Variants in CHLSN observed in about 807,000 individuals in gnomAD.
CHLSN encodes the protein cholesin, also known as protein cholesin.
At chr7:1,019,717 A>T in the CHLSN span, among the ~76,000 whole-genome samples, 1 of 152,230 alleles carries the variant, frequency 6.6e-6, no homozygotes, top group Non-Finnish European at 1.5e-5. Context: ...CAGGGCTTCC[A>T]GATGGGCAGA....
chr7:1,096,774 A>C, the CHLSN span, among the ~76,000 whole-genome samples: 1 of 152,194 alleles, frequency 6.6e-6, no homozygotes, highest in African/African-American at 2.4e-5. This position sits in a 1 kb window ranked among gnomAD's most constrained non-coding sequence, Gnocchi z 4.6. Context: ...CGAGAGTGAC[A>C]CGGCTTACCC....
the CHLSN span, among the ~76,000 whole-genome samples, chr7:1,072,662 ATTTCT>A: frequency 7.0e-6 from 1 of 143,562 alleles, no homozygotes; most frequent in Non-Finnish European, 1.5e-5. Flanking sequence ...TATGGAGTCA[ATTTCT>A]TTTCTTTCCT....
chr7:1,031,361 C>T, the CHLSN span, among the ~76,000 whole-genome samples: 1 of 148,408 alleles, frequency 6.7e-6, no homozygotes, highest in African/African-American at 2.6e-5. Context: ...TGGGCAGAGA[C>T]CAGAGACCTG....
chr7:1,021,215 TC>T, the CHLSN span: 1 of 208,004 alleles, frequency 4.8e-6, no homozygotes, highest in Non-Finnish European at 8.4e-6. Context: ...ACTGGGGACC[TC>T]CCAGCACGGA....
chr7:983,019 G>A, the CHLSN span, among the ~76,000 whole-genome samples: 1 of 152,188 alleles, frequency 6.6e-6, no homozygotes, highest in East Asian at 1.9e-4. Flanking sequence ...GCCCCACCAG[G>A]GCCTCAGCCC....
At chr7:1,112,681 C>T in the CHLSN span, among the ~76,000 whole-genome samples, 3 of 147,098 alleles carry the variant, frequency 2.0e-5, no homozygotes, top group South Asian at 2.1e-4. Context: ...CTCTTCGAAA[C>T]GGGAGTGCTG....
the CHLSN span, among the ~76,000 whole-genome samples, chr7:1,080,125 G>A: frequency 6.6e-6 from 1 of 152,334 alleles, no homozygotes; most frequent in East Asian, 1.9e-4. Flanking sequence ...TGGCAGAAAC[G>A]CAAAACAGAG....
chr7:1,070,343 CGGGA>C, the CHLSN span, among the ~76,000 whole-genome samples: 1 of 139,534 alleles, frequency 7.2e-6, no homozygotes, highest in African/African-American at 2.6e-5. Context: ...CCGTGCCGTC[CGGGA>C]GGGAGGTGGG....
the CHLSN span, among the ~76,000 whole-genome samples, chr7:1,054,854 C>T: frequency 1.4e-4 from 21 of 152,254 alleles, no homozygotes; most frequent in Admixed American, 1.2e-3. Context: ...AACCTGCCCT[C>T]GGCCTCCGCT....
chr7:983,447 C>G, the CHLSN span: 1 of 1,354,616 alleles, frequency 7.4e-7, no homozygotes, highest in East Asian at 2.9e-5. Context: ...TGGCCCCCCT[C>G]CTGGGGAAGC....
At chr7:1,102,913 C>G in the CHLSN span, among the ~76,000 whole-genome samples, 1 of 152,260 alleles carries the variant, frequency 6.6e-6, no homozygotes, top group Non-Finnish European at 1.5e-5. Context: ...AAAAATGCCC[C>G]GTCCCCTGCA....
At chr7:1,136,519 A>AAC in the CHLSN span, among the ~76,000 whole-genome samples, 927 of 99,548 alleles carry the variant, frequency 9.3e-3, 25 homozygotes, top group Non-Finnish European at 0.013. Flanking sequence ...AACATATATA[A>AAC]ATATATATAA....
the CHLSN span, chr7:1,093,173 CGCT>C: frequency 7.1e-6 from 4 of 565,592 alleles, no homozygotes; most frequent in Non-Finnish European, 1.4e-5. Flanking sequence ...ACCTGCCTGC[CGCT>C]GCAGGAAACA....
the CHLSN span, among the ~76,000 whole-genome samples, chr7:1,010,316 GAGAC>G: frequency 1.9e-4 from 29 of 152,332 alleles, no homozygotes; most frequent in East Asian, 4.6e-3. Context: ...CTACGACGAA[GAGAC>G]AGACAGGTCA....
chr7:1,042,910 G>A, the CHLSN span, among the ~76,000 whole-genome samples: 2 of 152,212 alleles, frequency 1.3e-5, no homozygotes, highest in East Asian at 1.9e-4. Context: ...CTGGCTCCAC[G>A]GCCTGCAGTG....
the CHLSN span, among the ~76,000 whole-genome samples, chr7:1,095,701 G>A: frequency 6.6e-6 from 1 of 152,230 alleles, no homozygotes; most frequent in South Asian, 2.1e-4. Context: ...ACACCAAGGA[G>A]GCACTAGAAG....
chr7:1,005,330 C>T, the CHLSN span, among the ~76,000 whole-genome samples: 1 of 152,186 alleles, frequency 6.6e-6, no homozygotes, highest in Non-Finnish European at 1.5e-5. Context: ...GGACTTCTTG[C>T]TGAACCCCCT....
the CHLSN span, chr7:1,093,382 A>C: frequency 2.3e-6 from 1 of 441,910 alleles, no homozygotes; most frequent in Non-Finnish European, 4.8e-6. Flanking sequence ...CGCACCGCCG[A>C]GTTAAAGAGG....
the CHLSN span, chr7:1,075,812 C>A: frequency 6.6e-6 from 1 of 151,988 alleles, no homozygotes; most frequent in Non-Finnish European, 1.5e-5. Context: ...TGGGGTTTCA[C>A]CGTGGTCTCG....
Sources: gnomAD v4.1 joint callset for allele counts (sites outside exome capture counted in the v4.1 genomes callset) on GRCh38, gnomAD v4.1.1 for gene constraint, Gnocchi (gnomAD v3.1) non-coding constraint, MANE v1.5 for transcripts, NCBI Gene and HGNC (gene_info 2026-07-23, HGNC 2026-07-21) for gene names.